The following SERP1 variants were observed in gnomAD, a reference collection of about 807,000 sequenced individuals.
SERP1 encodes stress-associated endoplasmic reticulum protein 1.
SERP1 carries 6 observed loss-of-function variants against 8.8 expected under a neutral mutation model. The ratio of observed to expected loss-of-function variants is 0.68; its 90% CI spans 0.37 to 1.35. SERP1 has a LOEUF of 1.35. SERP1 is among the 40% of genes most tolerant of loss of function. SERP1 has a pLI of 0.02. For synonymous variants in SERP1, 36 were observed against 28.7 expected (o/e 1.25, Z -0.81); for missense variants, 52 against 86.2 (o/e 0.60, Z 1.57).
intron 1 of SERP1, 90 bp from the exon 2 acceptor site, chr3:150,545,868 A>C (rs1576582176): frequency 7.1e-7 from 1 of 1,401,730 alleles, no homozygotes; most frequent in South Asian, 1.3e-5. Context: ...CGGCCCCCTC[A>C]CCTCACAGGT....
chr3:150,543,104 C>G lies in SERP1; in HGVS notation c.*1354G>C, dbSNP rs1399251885. 1.3e-5 allele frequency: 2 copies of G among 152,564 alleles called. No homozygotes were observed. Among genetic ancestry groups the G allele is most frequent in the African/African-American group, 2.4e-5 (1 of 41,422 alleles). The allele number at this position is 152,564 out of a possible 1,614,324, so 9.5% of individuals were successfully genotyped here. A position where few individuals can be genotyped will look rare whatever the true frequency, so the allele number is the denominator to read the frequency against. ...CTAGGTAGCAGATTTCCCTTCTGTT[C>G]CTCTTAAAACAGCTTATTTTAAAAG... On this transcript the variant is annotated 3_prime_UTR_variant, in exon 3 of 3. Transcript: ENST00000239944.
chr3:150,546,457 C>T lies in SERP1; in HGVS notation c.-322G>A. The T allele has an allele frequency of 3.6e-6, 2 of 556,428 alleles. No individual in the cohort carries two copies. 34.5% of individuals were successfully genotyped at this position (556,428 alleles called of 1,614,324 possible). ...CGCGGAGTGAAAGAGGAAGGAAACGCAACGCAACAACGGGAATGTGCAGCC... is the reference window on the plus strand; with the variant it reads ...CGCGGAGTGAAAGAGGAAGGAAACGTAACGCAACAACGGGAATGTGCAGCC... On this transcript the variant is annotated 5_prime_UTR_variant, in exon 1 of 3. Transcript: ENST00000239944.
Position 150,546,091 on chromosome 3 carries a change from G to C in SERP1, c.45C>G (p.Ser15Arg), listed in dbSNP as rs745325311. 1 of 1,613,836 alleles carries C rather than the reference G, an allele frequency of 6.2e-7. No individual in the cohort carries two copies. Among genetic ancestry groups the C allele is most frequent in the Admixed American group, 1.7e-5 (1 of 60,030 alleles). The change falls in exon 1 of 3, where the codon AGC becomes AGG. Residue 15 changes from serine (S) to arginine (R), a missense_variant. Transcript: ENST00000239944. Reference sequence around the variant, plus strand: ...CGTTGCCGCGCTGGGTGATGTTCTTGCTGTGCTTCTCGTTGGCCATACGGA... The same window carrying C: ...CGTTGCCGCGCTGGGTGATGTTCTTCCTGTGCTTCTCGTTGGCCATACGGA... ...QRIRMANEKH[S>R]KNITQRGNVA...
intron 2 of SERP1, 121 bp downstream of exon 2, chr3:150,545,581 TG>T: frequency 1.1e-6 from 1 of 889,264 alleles, no homozygotes; most frequent in Non-Finnish European, 1.8e-6. Flanking sequence ...CAGAATTATG[TG>T]GAGTCCTCGG....
In SERP1 at chr3:150,543,150, CA is replaced by C. The variant is rs1481110089; in HGVS notation, c.*1307del. 1 of 152,540 alleles carries C rather than the reference CA, an allele frequency of 6.6e-6. No individual in the cohort carries two copies. The highest frequency in any genetic ancestry group is 1.5e-5 in the Non-Finnish European group (1 of 67,994). The allele number at this position is 152,540 out of a possible 1,614,324, so 9.4% of individuals were successfully genotyped here. On this transcript the variant is annotated 3_prime_UTR_variant, in exon 3 of 3. Coordinates refer to ENST00000239944, the MANE Select transcript of SERP1 (RefSeq NM_014445.4). Reference sequence around the variant, plus strand: ...AAAAGAAATATCCTGAGGCAATTAACAAAGCAAACACAAGCAGCTTTCTTTC... The same window carrying C: ...AAAAGAAATATCCTGAGGCAATTAACAAGCAAACACAAGCAGCTTTCTTTC...
chr3:150,545,446 A>C, intron 2 of SERP1: 3 of 495,440 alleles, frequency 6.1e-6, no homozygotes, highest in Non-Finnish European at 1.1e-5. Flanking sequence ...CATTTATTCC[A>C]ACTGGATCAT....
At chr3:150,545,186 TA>T (rs1458655099) in intron 2 of SERP1, among the ~76,000 whole-genome samples, 1 of 152,210 alleles carries the variant, frequency 6.6e-6, no homozygotes, top group Non-Finnish European at 1.5e-5. Flanking sequence ...TTTCTTTTAT[TA>T]ACCTAAAAAC....
rs575535045 is a variant in SERP1, at chr3:150,542,435, T to C, written c.*2023A>G. ...ATTTAAGTACAATACTAAACATTCT[T>C]TAAAATCATTTTCTACTAACTATAA... On this transcript the variant is annotated 3_prime_UTR_variant, in exon 3 of 3. Coordinates refer to ENST00000239944, the MANE Select transcript of SERP1 (RefSeq NM_014445.4). 6.6e-6 allele frequency: 1 copy of C among 152,354 alleles called. No homozygotes were observed. The highest frequency in any genetic ancestry group is 1.9e-4 in the East Asian group (1 of 5,184). 9.4% of individuals were successfully genotyped at this position (152,354 alleles called of 1,614,324 possible).
rs996287828 is a variant in SERP1 at position 150,544,101 on chromosome 3, G to A, written c.*357C>T. On this transcript the variant is annotated 3_prime_UTR_variant, in exon 3 of 3. Transcript: ENST00000239944. ...TAAGCTAACTGCAGTTATACATTTG[G>A]GTTAACAAAATCTAGACCCTGTCTA... 4 of 206,092 alleles carry A rather than the reference G, an allele frequency of 1.9e-5. No homozygotes were observed. The highest frequency in any genetic ancestry group is 3.9e-5 in the Non-Finnish European group (4 of 103,228). 12.8% of individuals were successfully genotyped at this position (206,092 alleles called of 1,614,324 possible).
Position 150,542,753 on chromosome 3 carries a change from ATAG to A in SERP1, c.*1702_*1704del, listed in dbSNP as rs1247125950. On this transcript the variant is annotated 3_prime_UTR_variant, in exon 3 of 3. Transcript: ENST00000239944. ...AACAACAACTTAAAGCCAAATATCT[ATAG>A]TAAACCAAGGAAAATTCTGATATGG... The A allele has an allele frequency of 6.5e-6, 1 of 152,690 alleles. No individual in the cohort carries two copies. Among genetic ancestry groups the A allele is most frequent in the Non-Finnish European group, 1.5e-5 (1 of 68,042 alleles). The allele number at this position is 152,690 out of a possible 1,614,324, so 9.5% of individuals were successfully genotyped here. A position where few individuals can be genotyped will look rare whatever the true frequency, so the allele number is the denominator to read the frequency against.
At chr3:150,545,369 C>T (rs879492332) in intron 2 of SERP1, 2 of 418,224 alleles carry the variant, frequency 4.8e-6, no homozygotes, top group Non-Finnish European at 8.4e-6. Flanking sequence ...ATTTTCTTTG[C>T]AAAGACTGAT....
chr3:150,544,680 C>A (rs920557263), intron 2 of SERP1, among the ~76,000 whole-genome samples, 182 bp from the exon 3 acceptor site: 18 of 152,246 alleles, frequency 1.2e-4, no homozygotes, highest in South Asian at 1.0e-3. Context: ...AATGAAATAT[C>A]CCTGAGTTAT....
In SERP1 at chr3:150,545,688, C is replaced by A; in HGVS notation, c.160+15G>T. On this transcript the variant is annotated intron_variant, in intron 2 of 2. Transcript: ENST00000239944. ...ACCCAAGACTCTACCTGATGGGAGC[C>A]CCCAAGCCACTTACCAGAACCACAG... The A allele has an allele frequency of 6.3e-7, 1 of 1,598,404 alleles. No individual in the cohort carries two copies.
chr3:150,544,907 A>G (rs1722945693), intron 2 of SERP1, among the ~76,000 whole-genome samples: 1 of 152,244 alleles, frequency 6.6e-6, no homozygotes, highest in African/African-American at 2.4e-5. Context: ...CAGGTTATAT[A>G]AACTGCTTGG....
At chr3:150,545,149 C>CT (rs1169903927) in intron 2 of SERP1, among the ~76,000 whole-genome samples, 5 of 151,546 alleles carry the variant, frequency 3.3e-5, no homozygotes, top group Non-Finnish European at 7.4e-5. Flanking sequence ...TACCCCGACA[C>CT]TTTTTTTTTA....
Position 150,544,376 on chromosome 3 carries a change from T to C in SERP1, c.*82A>G, listed in dbSNP as rs1193828800. 1 of 1,263,794 alleles carries C rather than the reference T, an allele frequency of 7.9e-7. No homozygotes were observed. Among genetic ancestry groups the C allele is most frequent in the African/African-American group, 1.5e-5 (1 of 67,682 alleles). 78.3% of individuals were successfully genotyped at this position (1,263,794 alleles called of 1,614,324 possible). On this transcript the variant is annotated 3_prime_UTR_variant, in exon 3 of 3. Coordinates refer to ENST00000239944, the MANE Select transcript of SERP1 (RefSeq NM_014445.4). ...TGAGGCAGGATGCTTTACTGAATTGTTTTCAACCAGGGTATCAAACATCAG... is the reference window on the plus strand; with the variant it reads ...TGAGGCAGGATGCTTTACTGAATTGCTTTCAACCAGGGTATCAAACATCAG...
At chr3:150,545,994 A>T in intron 1 of SERP1, 58 bp downstream of exon 1, 1 of 1,600,810 alleles carries the variant, frequency 6.2e-7, no homozygotes, top group East Asian at 2.2e-5. Context: ...ACGCGGCCCC[A>T]GGGACCCGGA....
At chr3:150,544,551 G>A in intron 2 of SERP1, 53 bp from the exon 3 acceptor site, 4 of 1,401,392 alleles carry the variant, frequency 2.9e-6, no homozygotes, top group African/African-American at 1.4e-5. Flanking sequence ...AATAGGTCTG[G>A]TGTCTAACAA....
intron 2 of SERP1, 98 bp downstream of exon 2, chr3:150,545,605 G>A (rs1264503969): frequency 6.9e-6 from 8 of 1,153,300 alleles, no homozygotes; most frequent in Admixed American, 2.0e-5. Flanking sequence ...GGTGGGTTGA[G>A]AACTACGCAG....
Sources: gnomAD v4.1 joint callset for allele counts (sites outside exome capture counted in the v4.1 genomes callset) on GRCh38, gnomAD v4.1.1 for gene constraint, MANE v1.5 for transcripts, NCBI Gene and HGNC (gene_info 2026-07-23, HGNC 2026-07-21) for gene names.